Variants in TRERF1 observed in about 807,000 individuals in gnomAD.
TRERF1 encodes the protein transcriptional regulating factor 1.
Under a neutral mutation model 122.9 loss-of-function variants are expected in TRERF1, and 27 were observed. That is an observed-to-expected ratio of 0.22 (90% CI 0.16 to 0.30). TRERF1 has a LOEUF of 0.30. TRERF1 is among the 10% of genes least tolerant of loss of function. The pLI is 1.00. For synonymous variants in TRERF1, 636 were observed against 641.7 expected, an observed-to-expected ratio of 0.99 and a Z score of 0.13; for missense variants, 1,248 against 1,560.3, an observed-to-expected ratio of 0.80 and a Z score of 3.37.
intron 2 of TRERF1, among the ~76,000 whole-genome samples, chr6:42,425,579 TGTC>T (rs1330185124): frequency 2.6e-5 from 3 of 117,510 alleles, no homozygotes; most frequent in Non-Finnish European, 5.1e-5. Flanking sequence ...AGTCTCGCAC[TGTC>T]GTCAGGGCTG....
chr6:42,294,411 GTCTC>G (rs1436780283), intron 4 of TRERF1, among the ~76,000 whole-genome samples: 2 of 151,796 alleles, frequency 1.3e-5, no homozygotes, highest in Non-Finnish European at 2.9e-5. Flanking sequence ...CGAACTCCCG[GTCTC>G]ATGATCCGCT....
chr6:42,449,574 G>A (rs539776472), intron 2 of TRERF1, among the ~76,000 whole-genome samples: 1 of 152,180 alleles, frequency 6.6e-6, no homozygotes, highest in Admixed American at 6.5e-5. Flanking sequence ...TGGCTCTGAG[G>A]CTAGGCATGT....
chr6:42,255,854 G>T (rs1776650137), intron 12 of TRERF1, among the ~76,000 whole-genome samples: 1 of 152,114 alleles, frequency 6.6e-6, no homozygotes, highest in African/African-American at 2.4e-5. Flanking sequence ...GATGAGGCTG[G>T]GTGCGGTGGT....
intron 13 of TRERF1, among the ~76,000 whole-genome samples, chr6:42,253,315 G>A (rs905045821): frequency 6.6e-6 from 1 of 152,166 alleles, no homozygotes; most frequent in African/African-American, 2.4e-5. Flanking sequence ...TCTGAGGGCT[G>A]AGGGCAGCAG....
intron 2 of TRERF1, among the ~76,000 whole-genome samples, chr6:42,436,541 T>C (rs1213933024): frequency 2.0e-5 from 3 of 151,974 alleles, no homozygotes; most frequent in African/African-American, 7.2e-5. Context: ...ATGTTTTACA[T>C]GTATTGTCTC....
chr6:42,363,356 T>C (rs574608825), intron 2 of TRERF1, among the ~76,000 whole-genome samples: 1 of 152,268 alleles, frequency 6.6e-6, no homozygotes, highest in East Asian at 1.9e-4. Context: ...ACACCCCACG[T>C]CTAATCCATC....
chr6:42,404,003 G>A (rs552428899), intron 2 of TRERF1, among the ~76,000 whole-genome samples: 1 of 152,106 alleles, frequency 6.6e-6, no homozygotes, highest in South Asian at 2.1e-4. Flanking sequence ...GGCATGTATG[G>A]GGCACTCCGT....
chr6:42,263,515 C>A lies in TRERF1; in HGVS notation c.1689G>T (p.Pro563=). ...GCTGTGGTGGCGGCGGAGGCGGAGG[C>A]GGAGGCGGCAGTGGTGGCTGGGGCT... is the stretch of plus-strand genomic sequence containing the variant. The change falls in exon 8 of 18, where the codon CCG becomes CCT. Residue 563 remains proline (P), a synonymous_variant. Coordinates refer to ENST00000372922, the Ensembl canonical transcript of TRERF1. This position sits in a 1 kb window ranked among gnomAD's most constrained non-coding sequence, Gnocchi z 5.6. The A allele has an allele frequency of 1.3e-6, 2 of 1,566,248 alleles. No homozygotes were observed. The highest frequency in any genetic ancestry group is 1.8e-5 in the Admixed American group (1 of 55,864).
At chr6:42,256,151 A>AG (rs397771111) in intron 12 of TRERF1, among the ~76,000 whole-genome samples, 1 of 150,144 alleles carries the variant, frequency 6.7e-6, no homozygotes, top group Admixed American at 6.6e-5. Context: ...AAAAAAAAAA[A>AG]GGAAGTCCAG....
chr6:42,231,886 A>AT (rs1248778873), intron 17 of TRERF1, among the ~76,000 whole-genome samples: 1 of 152,204 alleles, frequency 6.6e-6, no homozygotes, highest in African/African-American at 2.4e-5. Flanking sequence ...AGGTCAAGTC[A>AT]TTTTACCTAA....
At chr6:42,404,890 A>G (rs536839743) in intron 2 of TRERF1, among the ~76,000 whole-genome samples, 1 of 152,302 alleles carries the variant, frequency 6.6e-6, no homozygotes, top group African/African-American at 2.4e-5. Context: ...CTCTTGCCTA[A>G]GGGTGGGACA....
In TRERF1 at chr6:42,268,943, CAGCCCACCAGTGAAA is replaced by C; in HGVS notation, c.633_647del (p.Phe212_Leu216del). 1 of 1,612,068 alleles carries C rather than the reference CAGCCCACCAGTGAAA, an allele frequency of 6.2e-7. No individual in the cohort carries two copies. The highest frequency in any genetic ancestry group is 1.1e-5 in the South Asian group (1 of 90,996). On this transcript the variant is annotated inframe_deletion, in exon 5 of 18. Transcript: ENST00000372922. This position sits in a 1 kb window ranked among gnomAD's most constrained non-coding sequence, Gnocchi z 4.4. ...GCCCGACCTGAAGAGCTGGTTTGGA[CAGCCCACCAGTGAAA>C]CCAGGGTGAGGCTGCTGGGGCACCT...
At chr6:42,331,710 C>T (rs1428218721) in intron 3 of TRERF1, among the ~76,000 whole-genome samples, 1 of 152,162 alleles carries the variant, frequency 6.6e-6, no homozygotes, top group Non-Finnish European at 1.5e-5. Context: ...AGCCACAGGG[C>T]TGGGTGCTGG....
In TRERF1 at chr6:42,374,150, A is replaced by AAGAAG. The variant is rs1554193491; in HGVS notation, c.-453-11072_-453-11071insCTTCT. Among the ~76,000 whole-genome samples the AAGAAG allele has an allele frequency of 4.9e-3, 706 of 144,006 alleles. 6 individuals carry two copies. Among genetic ancestry groups the AAGAAG allele is most frequent in the African/African-American group, 0.016 (616 of 38,656 alleles). The allele number at this position is 144,006 out of a possible 152,430, so 94.5% of individuals were successfully genotyped here. A position where few individuals can be genotyped will look rare whatever the true frequency, so the allele number is the denominator to read the frequency against. ...CTGTCTTTTTTTTAAAAAAAAAAAA[A>AAGAAG]AAGAAGAAGAAGAAGAAGAAGAAGA... is the stretch of plus-strand genomic sequence containing the variant. On this transcript the variant is annotated intron_variant, in intron 2 of 17. Transcript: ENST00000372922.
intron 3 of TRERF1, among the ~76,000 whole-genome samples, chr6:42,314,541 A>C (rs988580982): frequency 3.9e-5 from 6 of 152,242 alleles, no homozygotes; most frequent in Non-Finnish European, 8.8e-5. Context: ...CAAAGAAGAC[A>C]AAACTCCCTG....
At chr6:42,285,274 C>T (rs1309621089) in intron 4 of TRERF1, among the ~76,000 whole-genome samples, 10 of 152,158 alleles carry the variant, frequency 6.6e-5, no homozygotes, top group African/African-American at 2.4e-4. Context: ...CATGATTTGG[C>T]TCTCTGTTTG....
At chr6:42,230,782 G>A (rs1770397295) in intron 17 of TRERF1, among the ~76,000 whole-genome samples, 1 of 152,164 alleles carries the variant, frequency 6.6e-6, no homozygotes, top group South Asian at 2.1e-4. Context: ...CTTCATGGGG[G>A]GAAGTGATCT....
Position 42,268,281 on chromosome 6 carries a change from G to A in TRERF1, c.1310C>T (p.Ala437Val), listed in dbSNP as rs202024095. The A allele has an allele frequency of 8.4e-5, 127 of 1,510,198 alleles. No homozygotes were observed. Among genetic ancestry groups the A allele is most frequent in the Non-Finnish European group, 1.0e-4 (116 of 1,130,522 alleles). 93.5% of individuals were successfully genotyped at this position (1,510,198 alleles called of 1,614,324 possible). Residue 437 changes from alanine to valine, a missense_variant, in exon 5 of 18, where the codon GCG becomes GTG. Around this residue, in one of 5 missense-constraint regions of TRERF1, gnomAD observed 946 missense variants for 1,073.0 expected, o/e 0.88. Coordinates refer to ENST00000372922, the Ensembl canonical transcript of TRERF1. This position sits in a 1 kb window ranked among gnomAD's most constrained non-coding sequence, Gnocchi z 4.4. ...GCTGACCCGGGTCAGATCTGAGCTC[G>A]CTGGGTCTCCCATTCCTGTGTCAGG...
intron 16 of TRERF1, among the ~76,000 whole-genome samples, chr6:42,235,479 G>A (rs774711898): frequency 5.3e-5 from 8 of 152,176 alleles, no homozygotes; most frequent in Non-Finnish European, 5.9e-5. Flanking sequence ...CACAGATACC[G>A]TAAGGTCTTT....
Sources: gnomAD v4.1 joint callset for allele counts (sites outside exome capture counted in the v4.1 genomes callset) on GRCh38, gnomAD v4.1.1 for gene constraint, gnomAD v4.1.1 regional missense constraint, Gnocchi (gnomAD v3.1) non-coding constraint, MANE v1.5 for transcripts, NCBI Gene and HGNC (gene_info 2026-07-23, HGNC 2026-07-21) for gene names.